The following DLG2 variants were observed in gnomAD, a reference collection of about 807,000 sequenced individuals.
DLG2 encodes the protein disks large homolog 2.
In DLG2, 45 loss-of-function variants were observed where a neutral mutation model predicts 132.5. The ratio of observed to expected loss-of-function variants is 0.34; its 90% confidence interval spans 0.27 to 0.44. The LOEUF is 0.44. Among genes scored for constraint, DLG2 ranks in the 20% least tolerant of loss-of-function variants. DLG2 has a pLI of 1.00. For synonymous variants in DLG2, 424 were observed against 419.6 expected (o/e 1.01, Z -0.13); for missense variants, 1,045 against 1,196.9 (o/e 0.87, Z 1.87).
At chr11:85,384,988 T>C (rs796359085) in intron 3 of DLG2, among the ~76,000 whole-genome samples, 11 of 152,340 alleles carry the variant, frequency 7.2e-5, no homozygotes, top group African/African-American at 2.4e-4. Context: ...TCTTAGCTCA[T>C]AGTGGGAGCT....
chr11:84,703,857 G>GATATATATGTGTATATAT (rs1555174774), intron 6 of DLG2, among the ~76,000 whole-genome samples: 18 of 102,692 alleles, frequency 1.8e-4, no homozygotes, highest in African/African-American at 7.0e-4. Flanking sequence ...ATGTAGTGAA[G>GATATATATGTGTATATAT]ATATATATAT....
intron 6 of DLG2, among the ~76,000 whole-genome samples, chr11:84,818,341 A>T (rs1244659114): frequency 6.6e-6 from 1 of 152,020 alleles, no homozygotes; most frequent in Non-Finnish European, 1.5e-5. Flanking sequence ...ATAAAGCTAT[A>T]GGAAACTTTT....
intron 7 of DLG2, among the ~76,000 whole-genome samples, chr11:84,459,914 T>C (rs1242962298): frequency 2.0e-5 from 3 of 150,576 alleles, no homozygotes; most frequent in Non-Finnish European, 4.5e-5. Flanking sequence ...TAAAGCATAA[T>C]AGGTATGACA....
chr11:84,375,523 T>G (rs1181088680), intron 7 of DLG2, among the ~76,000 whole-genome samples: 2 of 152,122 alleles, frequency 1.3e-5, no homozygotes, highest in African/African-American at 4.8e-5. Context: ...TAAAACTTAT[T>G]TAATAAAACA....
chr11:85,428,843 G>A (rs933956292), intron 3 of DLG2, among the ~76,000 whole-genome samples: 1 of 151,960 alleles, frequency 6.6e-6, no homozygotes, highest in Non-Finnish European at 1.5e-5. Flanking sequence ...CCAGGAGCTG[G>A]TTTTTTGAAA....
In DLG2 at chr11:84,059,314, C is replaced by T. The variant is rs1197429123; in HGVS notation, c.919+1G>A. On this transcript the variant is annotated splice_donor_variant, in intron 11 of 27. Coordinates refer to ENST00000376104, the MANE Select transcript of DLG2 (RefSeq NM_001142699.3). LOFTEE classifies it high-confidence loss of function. Reference sequence around the variant, plus strand: ...CTGTGAGTCATTTATATTTTGATTACCTTTAGGGCCTTTGAACAGTTTGAT... The same window carrying T: ...CTGTGAGTCATTTATATTTTGATTATCTTTAGGGCCTTTGAACAGTTTGAT... The T allele has an allele frequency of 6.2e-7, 1 of 1,612,898 alleles. No homozygotes were observed. Among genetic ancestry groups the T allele is most frequent in the Admixed American group, 1.7e-5 (1 of 59,824 alleles).
intron 18 of DLG2, among the ~76,000 whole-genome samples, chr11:83,663,865 TC>T (rs2074937894): frequency 6.6e-6 from 1 of 152,204 alleles, no homozygotes; most frequent in African/African-American, 2.4e-5. Context: ...AATCCATCCA[TC>T]CCTACATTCC....
intron 6 of DLG2, among the ~76,000 whole-genome samples, chr11:84,602,053 A>T (rs566671959): frequency 7.6e-4 from 115 of 152,172 alleles, no homozygotes; most frequent in Middle Eastern, 3.4e-3. Context: ...CAGGAAACTC[A>T]GATTCAGACA....
At chr11:83,668,706 C>CAT (rs1176794599) in intron 18 of DLG2, among the ~76,000 whole-genome samples, 1 of 12,806 alleles carries the variant, frequency 7.8e-5, no homozygotes, top group Non-Finnish European at 1.7e-4. Context: ...TATATAAACA[C>CAT]ATATATATGT....
chr11:85,423,472 G>C (rs756274047), intron 3 of DLG2, among the ~76,000 whole-genome samples: 1 of 152,186 alleles, frequency 6.6e-6, no homozygotes, highest in Non-Finnish European at 1.5e-5. Flanking sequence ...AACAGGTGGT[G>C]GGCAGGGCCA....
At chr11:84,009,027 A>G (rs907066074) in intron 11 of DLG2, among the ~76,000 whole-genome samples, 7 of 151,730 alleles carry the variant, frequency 4.6e-5, no homozygotes, top group African/African-American at 1.5e-4. Context: ...AAAATACTAG[A>G]CTTTCAATAA....
At chr11:84,965,695 GA>G in intron 6 of DLG2, among the ~76,000 whole-genome samples, 1 of 152,034 alleles carries the variant, frequency 6.6e-6, no homozygotes, top group Non-Finnish European at 1.5e-5. Context: ...ACAGCCTTGT[GA>G]GGAGATGCAT....
chr11:84,676,361 G>T (rs2099711196), intron 6 of DLG2, among the ~76,000 whole-genome samples: 1 of 151,994 alleles, frequency 6.6e-6, no homozygotes, highest in African/African-American at 2.4e-5. Context: ...GAGAACCTAT[G>T]TTTCCAATGA....
At chr11:84,233,894 C>T (rs2097126675) in intron 8 of DLG2, among the ~76,000 whole-genome samples, 2 of 152,208 alleles carry the variant, frequency 1.3e-5, no homozygotes, top group African/African-American at 2.4e-5. Flanking sequence ...AAGGCCGTTT[C>T]ACCAGTGTCA....
At chr11:84,440,065 T>C (rs1485205829) in intron 7 of DLG2, among the ~76,000 whole-genome samples, 1 of 152,224 alleles carries the variant, frequency 6.6e-6, no homozygotes, top group Non-Finnish European at 1.5e-5. Flanking sequence ...TGATGTTTGA[T>C]CAATTTGTTT....
chr11:84,861,642 A>AAAAAAAAAAAAAAAAAAG (rs2083703409), intron 6 of DLG2, among the ~76,000 whole-genome samples: 1 of 128,248 alleles, frequency 7.8e-6, no homozygotes, highest in Non-Finnish European at 1.7e-5. Context: ...AAAAAAAACA[A>AAAAAAAAAAAAAAAAAAG]AAAAAAAAAC....
At position 83,473,436 on chromosome 11, in the gene DLG2, C is replaced by G. The variant is rs558883913; in HGVS notation, c.2294-659G>C. On this transcript the variant is annotated intron_variant, in intron 22 of 27. Transcript: ENST00000376104. ...AGTAAAATGTCAGCCCCTCCAATGT[C>G]ATCTGCTACAAGCCTTCTGACTCAG... 5.9e-5 allele frequency among the ~76,000 whole-genome samples: 9 copies of G among 152,244 alleles called. No homozygotes were observed. In the South Asian group the frequency reaches 1.9e-3, roughly 32 times the overall value.
intron 15 of DLG2, among the ~76,000 whole-genome samples, chr11:83,893,754 A>G (rs2070713891): frequency 6.6e-6 from 1 of 152,226 alleles, no homozygotes; most frequent in Admixed American, 6.5e-5. Flanking sequence ...CCATGATTCC[A>G]GTCAAAAATC....
intron 8 of DLG2, among the ~76,000 whole-genome samples, chr11:84,222,331 C>G (rs2096927798): frequency 6.6e-6 from 1 of 152,094 alleles, no homozygotes; most frequent in Admixed American, 6.5e-5. Flanking sequence ...CATGCCCGGC[C>G]AAGTTCTGGT....
Sources: gnomAD v4.1 joint callset for allele counts (sites outside exome capture counted in the v4.1 genomes callset) on GRCh38, gnomAD v4.1.1 for gene constraint, MANE v1.5 for transcripts, NCBI Gene and HGNC (gene_info 2026-07-23, HGNC 2026-07-21) for gene names.